Variants in KIAA1328 observed in about 807,000 individuals in gnomAD.
KIAA1328 encodes the protein protein hinderin.
KIAA1328 carries 52 observed loss-of-function variants against 68.1 expected under a neutral mutation model. The observed-to-expected ratio is 0.76, with a 90% CI of 0.61 to 0.96. KIAA1328 has a LOEUF of 0.96. Among genes scored for constraint, KIAA1328 ranks in the 40% least tolerant of loss-of-function variants. KIAA1328 has a pLI of 0.00. For synonymous variants in KIAA1328, 232 were observed against 239.4 expected, an observed-to-expected ratio of 0.97 and a Z score of 0.28; for missense variants, 641 against 677.6, an observed-to-expected ratio of 0.95 and a Z score of 0.60.
intron 7 of KIAA1328, among the ~76,000 whole-genome samples, chr18:37,092,136 C>T (rs1328057501): frequency 6.6e-6 from 1 of 152,120 alleles, no homozygotes; most frequent in African/African-American, 2.4e-5. Flanking sequence ...GATCTGAGGA[C>T]ATGCCCACCC....
chr18:36,845,399 A>G (rs1315214675), intron 4 of KIAA1328, among the ~76,000 whole-genome samples: 1 of 151,722 alleles, frequency 6.6e-6, no homozygotes, highest in East Asian at 1.9e-4. Flanking sequence ...AGGAGTTATT[A>G]AATATGTTTT....
chr18:36,949,605 C>CA (rs1331773251), intron 5 of KIAA1328, among the ~76,000 whole-genome samples: 5 of 97,324 alleles, frequency 5.1e-5, no homozygotes, highest in South Asian at 9.9e-4. Flanking sequence ...GCTCCCCCCC[C>CA]CCCACCCCCC....
intron 5 of KIAA1328, among the ~76,000 whole-genome samples, chr18:36,927,398 A>C (rs890431075): frequency 2.0e-5 from 3 of 152,194 alleles, no homozygotes; most frequent in Non-Finnish European, 4.4e-5. Flanking sequence ...GAGCAGGAAC[A>C]ATTTGGTAAT....
At chr18:37,142,181 T>G (rs2058779519) in intron 7 of KIAA1328, among the ~76,000 whole-genome samples, 1 of 135,512 alleles carries the variant, frequency 7.4e-6, no homozygotes, top group Non-Finnish European at 1.5e-5. Context: ...CAAGGTTCAT[T>G]CTTTTTCTTT....
At chr18:36,872,882 C>T (rs2047994381) in intron 4 of KIAA1328, among the ~76,000 whole-genome samples, 1 of 152,118 alleles carries the variant, frequency 6.6e-6, no homozygotes, top group South Asian at 2.1e-4. Flanking sequence ...ACTTAAAACC[C>T]CGGTAAGCTT....
intron 8 of KIAA1328, among the ~76,000 whole-genome samples, chr18:37,164,156 A>G (rs1425247613): frequency 6.6e-6 from 1 of 152,236 alleles, no homozygotes; most frequent in Non-Finnish European, 1.5e-5. Flanking sequence ...CCGTCAGAAT[A>G]TAAGTTCCAT....
chr18:36,949,280 A>G (rs1485616565), intron 5 of KIAA1328, among the ~76,000 whole-genome samples: 2 of 152,198 alleles, frequency 1.3e-5, no homozygotes, highest in African/African-American at 2.4e-5. Flanking sequence ...AGCAAGAGAA[A>G]ATGCATGGTT....
intron 8 of KIAA1328, among the ~76,000 whole-genome samples, chr18:37,162,612 A>G (rs1001853639): frequency 6.6e-6 from 1 of 152,198 alleles, no homozygotes. Context: ...AACCCTGTTT[A>G]TCATAAGGCT....
Position 36,988,263 on chromosome 18 carries a change from A to T in KIAA1328, c.576+28828A>T, listed in dbSNP as rs144887716. ...TTCGACTTTTAAATGTTTTTAGATG[A>T]GACATCTTTATATAAGTGTATATAG... On this transcript the variant is annotated intron_variant, in intron 6 of 9. Coordinates refer to ENST00000280020, the MANE Select transcript of KIAA1328 (RefSeq NM_020776.3). Among the ~76,000 whole-genome samples, 602 of 152,324 alleles carry T rather than the reference A, an allele frequency of 4.0e-3. 5 individuals carry two copies. Among genetic ancestry groups the T allele is most frequent in the African/African-American group, 0.014 (571 of 41,580 alleles).
downstream of KIAA1328, among the ~76,000 whole-genome samples, chr18:37,226,370 T>C (rs556156058): frequency 3.0e-4 from 45 of 152,248 alleles, no homozygotes; most frequent in African/African-American, 1.1e-3. Context: ...TAGTCTTTAG[T>C]ATATTCACAG....
intron 6 of KIAA1328, among the ~76,000 whole-genome samples, chr18:36,966,434 G>C (rs564102489): frequency 7.9e-5 from 12 of 152,196 alleles, no homozygotes; most frequent in Non-Finnish European, 1.3e-4. Flanking sequence ...GATCGTGTGT[G>C]TGTGTACATT....
intron 5 of KIAA1328, among the ~76,000 whole-genome samples, chr18:36,933,882 C>G (rs1598749011): frequency 6.6e-6 from 1 of 152,198 alleles, no homozygotes; most frequent in Admixed American, 6.5e-5. Flanking sequence ...TCTCTCTTGG[C>G]CTTGCAGTTG....
Position 37,160,311 on chromosome 18 carries a change from GTTTCA to G in KIAA1328, c.1347_1351del (p.His450AlafsTer5). The G allele has an allele frequency of 6.2e-7, 1 of 1,613,590 alleles. No individual in the cohort carries two copies. Among genetic ancestry groups the G allele is most frequent in the Admixed American group, 1.7e-5 (1 of 59,984 alleles). On this transcript the variant is annotated frameshift_variant, in exon 8 of 10. Coordinates refer to ENST00000280020, the MANE Select transcript of KIAA1328 (RefSeq NM_020776.3). LOFTEE classifies it high-confidence loss of function. ...ATAGGAAGGAGAGGAAGACAGTTGG[GTTTCA>G]TTCGCATATGAAAGATGATGCCCAG...
At chr18:37,218,152 A>G (rs1272679223) in intron 9 of KIAA1328, among the ~76,000 whole-genome samples, 1 of 152,272 alleles carries the variant, frequency 6.6e-6, no homozygotes, top group Non-Finnish European at 1.5e-5. Context: ...AATTTAAAAG[A>G]CAAATGGTTA....
intron 9 of KIAA1328, among the ~76,000 whole-genome samples, chr18:37,178,483 T>C (rs1006706304): frequency 3.9e-5 from 6 of 152,314 alleles, no homozygotes; most frequent in African/African-American, 1.4e-4. Context: ...TATCCATTCA[T>C]CCATTTATGG....
intron 7 of KIAA1328, among the ~76,000 whole-genome samples, chr18:37,106,066 A>G (rs1029979518): frequency 4.6e-5 from 7 of 152,002 alleles, no homozygotes; most frequent in African/African-American, 1.4e-4. Flanking sequence ...AAATGTCTAT[A>G]TGAATATTCA....
intron 6 of KIAA1328, among the ~76,000 whole-genome samples, chr18:37,000,112 C>G (rs2053534787): frequency 6.6e-6 from 1 of 151,808 alleles, no homozygotes; most frequent in African/African-American, 2.4e-5. Flanking sequence ...ATACAAGAAA[C>G]TCACCTAACT....
intron 9 of KIAA1328, among the ~76,000 whole-genome samples, chr18:37,184,242 A>G (rs2059751583): frequency 6.6e-6 from 1 of 152,164 alleles, no homozygotes; most frequent in African/African-American, 2.4e-5. Flanking sequence ...TTTATATCCC[A>G]GAACTTCCTT....
chr18:36,846,035 C>A (rs1365511), intron 4 of KIAA1328, among the ~76,000 whole-genome samples: 19,346 of 151,566 alleles, frequency 0.13, 1,542 homozygotes, highest in Admixed American at 0.17. Flanking sequence ...ATATGGGAAT[C>A]ATTTGTTCTT....
Sources: gnomAD v4.1 joint callset for allele counts (sites outside exome capture counted in the v4.1 genomes callset) on GRCh38, gnomAD v4.1.1 for gene constraint, MANE v1.5 for transcripts, NCBI Gene and HGNC (gene_info 2026-07-23, HGNC 2026-07-21) for gene names.